Variants in DDX27 observed in about 807,000 individuals in gnomAD.
DDX27 encodes DEAD-box helicase 27.
DDX27 carries 42 observed loss-of-function variants against 99.3 expected under a neutral mutation model. The ratio of observed to expected loss-of-function variants is 0.42; its 90% CI spans 0.33 to 0.55. The LOEUF (loss-of-function observed/expected upper bound fraction) is 0.55, where lower values mean the gene tolerates loss of function less well. Among genes scored for constraint, DDX27 ranks in the 20% least tolerant of loss-of-function variants. DDX27 has a pLI of 0.07. For missense variants in DDX27, 798 were observed against 976.8 expected, an observed-to-expected ratio of 0.82 and a Z score of 2.44; for synonymous variants, 329 against 353.8, an observed-to-expected ratio of 0.93 and a Z score of 0.79.
rs1251293596 is a variant in DDX27, at chr20:49,236,213, C to T, written c.1491C>T (p.Asp497=). 14 of 1,610,456 alleles carry T rather than the reference C, an allele frequency of 8.7e-6. No homozygotes were observed. Among genetic ancestry groups the T allele is most frequent in the Middle Eastern group, 1.7e-4 (1 of 6,058 alleles). Residue 497 remains aspartate, a synonymous_variant, in exon 13 of 21, where the codon GAC becomes GAT. Coordinates refer to ENST00000618172, the MANE Select transcript of DDX27 (RefSeq NM_017895.8). This position sits in a 1 kb window ranked among gnomAD's most constrained non-coding sequence, Gnocchi z 4.1. ...VATDVAARGL[D]IEGVKTVINF... ...CTGATGTGGCAGCCCGTGGACTTGACATTGAGGGGGTCAAAACGGTGAGCA... is the reference window on the plus strand; with the variant it reads ...CTGATGTGGCAGCCCGTGGACTTGATATTGAGGGGGTCAAAACGGTGAGCA...
At chr20:49,223,574 T>TC (rs1979771627) in intron 4 of DDX27, 141 bp downstream of exon 4, 1 of 416,474 alleles carries the variant, frequency 2.4e-6, no homozygotes, top group African/African-American at 2.1e-5. Context: ...CTTTCTTTCT[T>TC]TTTTTTTTTT....
At chr20:49,232,502 G>A (rs1980145742) in intron 9 of DDX27, among the ~76,000 whole-genome samples, 2 of 152,032 alleles carry the variant, frequency 1.3e-5, no homozygotes, top group Non-Finnish European at 2.9e-5. Context: ...GGTGGCTCAC[G>A]CCTGTAATCC....
At chr20:49,230,420 A>G (rs1179909572) in intron 9 of DDX27, 71 bp downstream of exon 9, 1 of 1,521,886 alleles carries the variant, frequency 6.6e-7, no homozygotes, top group Non-Finnish European at 8.8e-7. Context: ...TGGACCTGCC[A>G]CACTGCGTTA....
intron 1 of DDX27, 29 bp downstream of exon 1, chr20:49,219,570 TCCTTGACTGCTTC>T: frequency 6.4e-7 from 1 of 1,570,446 alleles, no homozygotes; most frequent in Non-Finnish European, 8.7e-7. Flanking sequence ...TCTTTGGGTT[TCCTTGACTGCTTC>T]CCTTCCTCGC....
At chr20:49,237,654 A>G (rs1980349434) in intron 14 of DDX27, among the ~76,000 whole-genome samples, 1 of 152,210 alleles carries the variant, frequency 6.6e-6, no homozygotes, top group East Asian at 1.9e-4. Context: ...GAACAGCAGG[A>G]GGAGACTGCC....
intron 4 of DDX27, among the ~76,000 whole-genome samples, chr20:49,224,290 A>G (rs1176134297): frequency 1.3e-5 from 2 of 151,774 alleles, no homozygotes; most frequent in Admixed American, 1.3e-4. Flanking sequence ...TGCCACTGTG[A>G]TACAAACTCA....
intron 14 of DDX27, 175 bp from the exon 15 acceptor site, chr20:49,238,765 CTTTTTTTTT>C (rs71186443): frequency 5.3e-3 from 1,272 of 237,944 alleles, no homozygotes; most frequent in Middle Eastern, 9.3e-3. Flanking sequence ...CTGTGCCTGG[CTTTTTTTTT>C]TTTTTTTTTT....
chr20:49,243,948 AAAC>A lies in DDX27; in HGVS notation c.*119_*121del, dbSNP rs748196022. The A allele has an allele frequency of 2.7e-5, 36 of 1,314,008 alleles. No individual in the cohort carries two copies. The highest frequency in any genetic ancestry group is 1.2e-4 in the East Asian group (5 of 41,808). The allele number at this position is 1,314,008 out of a possible 1,614,324, so 81.4% of individuals were successfully genotyped here. ...TGTTTAAAAAAAAAACAAAAACAAA[AAAC>A]AACACTTTGGTGTGGTGGTATGGTA... On this transcript the variant is annotated 3_prime_UTR_variant, in exon 21 of 21. Coordinates refer to ENST00000618172, the MANE Select transcript of DDX27 (RefSeq NM_017895.8).
intron 16 of DDX27, 137 bp from the exon 17 acceptor site, chr20:49,241,756 A>T: frequency 1.1e-6 from 1 of 909,946 alleles, no homozygotes. Context: ...GGCACGAGCT[A>T]CTGCACTCGG....
chr20:49,230,070 C>T, intron 8 of DDX27, 129 bp from the exon 9 acceptor site: 1 of 1,037,596 alleles, frequency 9.6e-7, no homozygotes, highest in Non-Finnish European at 1.4e-6. Context: ...TGTGCTTGGG[C>T]CTTTGTCAGT....
chr20:49,239,463 C>G, intron 16 of DDX27, 125 bp downstream of exon 16: 2 of 683,302 alleles, frequency 2.9e-6, no homozygotes, highest in Non-Finnish European at 4.9e-6. Context: ...GGACCAGTAT[C>G]GTGGAAGACA....
At chr20:49,219,598 C>A in intron 1 of DDX27, 57 bp downstream of exon 1, 2 of 1,513,428 alleles carry the variant, frequency 1.3e-6, no homozygotes, top group Non-Finnish European at 1.8e-6. Flanking sequence ...CCTCGCGATT[C>A]CTCAGGTCCC....
At chr20:49,226,927 A>G (rs1249139180) in intron 7 of DDX27, among the ~76,000 whole-genome samples, 1 of 112,622 alleles carries the variant, frequency 8.9e-6, no homozygotes, top group East Asian at 2.9e-4. Flanking sequence ...CAGTGGCGGG[A>G]TCTCGGCTCA....
chr20:49,230,426 C>T (rs913012893), intron 9 of DDX27, 77 bp downstream of exon 9: 22 of 1,493,714 alleles, frequency 1.5e-5, no homozygotes, highest in Middle Eastern at 2.4e-4. Context: ...TGCCACACTG[C>T]GTTATTCTTT....
chr20:49,237,072 G>T (rs1432871240), intron 14 of DDX27, among the ~76,000 whole-genome samples: 2 of 152,090 alleles, frequency 1.3e-5, no homozygotes, highest in African/African-American at 4.8e-5. Flanking sequence ...GGTAGCTCTT[G>T]CCTATAACCC....
At chr20:49,229,650 C>CTT (rs71186442) in intron 8 of DDX27, among the ~76,000 whole-genome samples, 32,311 of 134,244 alleles carry the variant, frequency 0.24, 4,433 homozygotes, top group African/African-American at 0.31. Flanking sequence ...CAGGCATTCT[C>CTT]TTTTTTTTTT....
At position 49,236,288 on chromosome 20, in the gene DDX27, C is replaced by A. The variant is rs374585361; in HGVS notation, c.1510-45C>A. 1.3e-6 allele frequency: 2 copies of A among 1,565,620 alleles called. No homozygotes were observed. Among genetic ancestry groups the A allele is most frequent in the Non-Finnish European group, 1.7e-6 (2 of 1,152,654 alleles). ...GTGGAAGTCTTTTTGCCTCTTCGCACCCCCCTTCCCTTGCCAGGCCTGACG... is the reference window on the plus strand; with the variant it reads ...GTGGAAGTCTTTTTGCCTCTTCGCAACCCCCTTCCCTTGCCAGGCCTGACG... On this transcript the variant is annotated intron_variant, in intron 13 of 20. Transcript: ENST00000618172. This position sits in a 1 kb window ranked among gnomAD's most constrained non-coding sequence, Gnocchi z 4.1.
chr20:49,222,349 A>T (rs1979718599), intron 2 of DDX27, among the ~76,000 whole-genome samples: 1 of 148,996 alleles, frequency 6.7e-6, no homozygotes, highest in Admixed American at 6.8e-5. Context: ...TCACTCTATC[A>T]CCCAGGCCGG....
Position 49,230,245 on chromosome 20 carries a change from T to C in DDX27, c.927T>C (p.Pro309=). 6.2e-7 allele frequency: 1 copy of C among 1,613,440 alleles called. No individual in the cohort carries two copies. Among genetic ancestry groups the C allele is most frequent in the East Asian group, 2.2e-5 (1 of 44,884 alleles). Residue 309 remains proline, a synonymous_variant, in exon 9 of 21, where the codon CCT becomes CCC. Transcript: ENST00000618172. ...AGGAAGCAGCTCTTCGGGCAGCGCC[T>C]GACATCCTCATCGCCACCCCAGGCC... is the stretch of plus-strand genomic sequence containing the variant. ...KSQEAALRAA[P]DILIATPGRL...
Sources: gnomAD v4.1 joint callset for allele counts (sites outside exome capture counted in the v4.1 genomes callset) on GRCh38, gnomAD v4.1.1 for gene constraint, Gnocchi (gnomAD v3.1) non-coding constraint, MANE v1.5 for transcripts, NCBI Gene and HGNC (gene_info 2026-07-23, HGNC 2026-07-21) for gene names.